The following VPS51 variants were observed in gnomAD, a reference collection of about 807,000 sequenced individuals.
VPS51 encodes VPS51 subunit of GARP complex.
In VPS51, 55 loss-of-function variants were observed where a neutral mutation model predicts 65.1. The observed-to-expected ratio is 0.84, with a 90% CI of 0.68 to 1.06. VPS51 has a LOEUF of 1.06. Ranked by LOEUF, VPS51 falls within the 50% of genes least tolerant of loss-of-function variation. The pLI is 0.00. For synonymous variants in VPS51, 473 were observed against 489.5 expected (o/e 0.97, Z 0.44); for missense variants, 943 against 1,101.6 (o/e 0.86, Z 2.04).
chr11:65,098,965 A>G (rs1427138618), intron 2 of VPS51, among the ~76,000 whole-genome samples: 1 of 152,146 alleles, frequency 6.6e-6, no homozygotes, highest in Middle Eastern at 3.2e-3. Context: ...AGGTGGGTGG[A>G]TCACTTGAGG....
intron 2 of VPS51, among the ~76,000 whole-genome samples, chr11:65,106,620 A>G (rs970400422): frequency 1.3e-5 from 2 of 152,056 alleles, no homozygotes; most frequent in Non-Finnish European, 2.9e-5. Flanking sequence ...GTGTGGTGGC[A>G]GGCACCTGTA....
Position 65,107,705 on chromosome 11 carries a change from C to T in VPS51, c.483C>T (p.His161=), listed in dbSNP as rs375116322. 11 of 1,609,368 alleles carry T rather than the reference C, an allele frequency of 6.8e-6. No homozygotes were observed. The African/African-American group carries it at 9.3e-5, about 14-fold the overall frequency. Reference sequence around the variant, plus strand: ...TCAGCGCCACGCTGCAGGACCGCCACGAGCGCATCACCAAGCTGGCAGGTG... The same window carrying T: ...TCAGCGCCACGCTGCAGGACCGCCATGAGCGCATCACCAAGCTGGCAGGTG... ...ARISATLQDR[H]ERITKLAGVH... The change falls in exon 3 of 10, where the codon CAC becomes CAT. Residue 161 remains histidine, a synonymous_variant. Transcript: ENST00000279281. The surrounding 1 kb of genome is among the most constrained non-coding windows in gnomAD (Gnocchi z 4.0).
intron 9 of VPS51, 38 bp from the exon 10 acceptor site, chr11:65,111,289 G>A: frequency 1.3e-6 from 2 of 1,598,864 alleles, no homozygotes; most frequent in Non-Finnish European, 1.7e-6. Context: ...ACACACACCT[G>A]CAGTCCCCAA....
intron 2 of VPS51, among the ~76,000 whole-genome samples, chr11:65,100,309 C>T (rs1338326035): frequency 6.6e-6 from 1 of 151,840 alleles, no homozygotes; most frequent in Non-Finnish European, 1.5e-5. Flanking sequence ...TACAAGTGGC[C>T]GAAAAGCACA....
rs758310660 is a variant in VPS51 at position 65,107,613 on chromosome 11, A to C, written c.391A>C (p.Lys131Gln). The change falls in exon 3 of 10, where the codon AAG becomes CAG. Residue 131 changes from lysine to glutamine, a missense_variant. Around this residue, in one of 2 missense-constraint regions of VPS51, gnomAD observed 855 missense variants for 953.7 expected, o/e 0.90. Coordinates refer to ENST00000279281, the MANE Select transcript of VPS51 (RefSeq NM_013265.4). This position sits in a 1 kb window ranked among gnomAD's most constrained non-coding sequence, Gnocchi z 4.0. ...CCGGAAGATGAAGAACGATTTCCGGAAGATGGAGGATGAGATGGACCGGCT... is the reference window on the plus strand; with the variant it reads ...CCGGAAGATGAAGAACGATTTCCGGCAGATGGAGGATGAGATGGACCGGCT... ...TIRKMKNDFR[K>Q]MEDEMDRLAT... 2.0e-5 allele frequency: 32 copies of C among 1,599,498 alleles called. No individual in the cohort carries two copies. Among genetic ancestry groups the C allele is most frequent in the Non-Finnish European group, 2.7e-5 (32 of 1,168,184 alleles).
In VPS51 at chr11:65,096,498, G is replaced by T. The variant is rs759274354; in HGVS notation, c.228+20G>T. 21 of 455,576 alleles carry T rather than the reference G, an allele frequency of 4.6e-5. No homozygotes were observed. The highest frequency in any genetic ancestry group is 5.8e-5 in the Non-Finnish European group (19 of 327,890). 28.2% of individuals were successfully genotyped at this position (455,576 alleles called of 1,614,324 possible). On this transcript the variant is annotated intron_variant, in intron 1 of 9. Transcript: ENST00000279281. Reference sequence around the variant, plus strand: ...GACAAGGTGTGTGCGCACGGGGAGTGGGGGGGTGCGGGGAGGGGGGAAGGG... The same window carrying T: ...GACAAGGTGTGTGCGCACGGGGAGTTGGGGGGTGCGGGGAGGGGGGAAGGG...
chr11:65,107,835 C>T lies in VPS51; in HGVS notation c.538C>T (p.Leu180Phe). 6.4e-7 allele frequency: 1 copy of T among 1,556,690 alleles called. No homozygotes were observed. The highest frequency in any genetic ancestry group is 8.7e-7 in the Non-Finnish European group (1 of 1,151,832). The change falls in exon 4 of 10, where the codon CTC (leucine) becomes TTC (phenylalanine). Residue 180 changes from leucine to phenylalanine, a missense_variant. This residue lies in a region of VPS51 where 855 missense variants were observed against 953.7 expected (regional missense o/e 0.90). Transcript: ENST00000279281. The surrounding 1 kb of genome is among the most constrained non-coding windows in gnomAD (Gnocchi z 4.0). ...CGCGCTGCTGCGGAAGCTGCAGTTC[C>T]TCTTTGAGCTGCCCTCGCGCCTCAC... is the stretch of plus-strand genomic sequence containing the variant. ...VHALLRKLQF[L>F]FELPSRLTKC...
At chr11:65,096,661 G>T (rs1388376843) in intron 1 of VPS51, 183 bp downstream of exon 1, 4 of 642,526 alleles carry the variant, frequency 6.2e-6, no homozygotes, top group Non-Finnish European at 1.1e-5. Context: ...ATGTGAGTAG[G>T]ACTGGACTGG....
At position 65,110,564 on chromosome 11, in the gene VPS51, C is replaced by T. The variant is rs761159690; in HGVS notation, c.1961C>T (p.Ser654Phe). The T allele has an allele frequency of 2.5e-6, 4 of 1,614,044 alleles. No individual in the cohort carries two copies. The highest frequency in any genetic ancestry group is 3.3e-5 in the Admixed American group (2 of 60,028). ...SKRTFSVYSS[S>F]RQQGRYAPSY... is the part of the protein sequence containing the mutation. ...AGGACTTTCTCCGTGTACAGCAGCT[C>T]TCGGCAGCAGGGCCGCTACGCCCCC... Residue 654 changes from serine (S) to phenylalanine (F), a missense_variant, in exon 8 of 10, where the codon TCT (serine) becomes TTT (phenylalanine). Physicochemically the swap from Ser to Phe is radical, Grantham distance 155. Coordinates refer to ENST00000279281, the MANE Select transcript of VPS51 (RefSeq NM_013265.4).
Position 65,109,312 on chromosome 11 carries a change from C to G in VPS51, c.1476C>G (p.Gly492=), listed in dbSNP as rs769496300. 1 of 1,613,072 alleles carries G rather than the reference C, an allele frequency of 6.2e-7. No individual in the cohort carries two copies. Among genetic ancestry groups the G allele is most frequent in the Non-Finnish European group, 8.5e-7 (1 of 1,179,670 alleles). The change falls in exon 6 of 10, where the codon GGC becomes GGG. Residue 492 remains glycine, a synonymous_variant. Coordinates refer to ENST00000279281, the MANE Select transcript of VPS51 (RefSeq NM_013265.4). ...TCTGCAGTCAGGGTGTCCGTGAGGG[C>G]CTCATCGTGGGCTTCGTCCACTCTA... ...GEFCSQGVRE[G]LIVGFVHSMC... is the part of the protein sequence containing the mutation.
At position 65,107,893 on chromosome 11, in the gene VPS51, C is replaced by T. The variant is rs1372907310; in HGVS notation, c.596C>T (p.Ala199Val). 5.8e-6 allele frequency: 9 copies of T among 1,551,148 alleles called. No homozygotes were observed. Among genetic ancestry groups the T allele is most frequent in the Admixed American group, 1.9e-5 (1 of 51,376 alleles). The change falls in exon 4 of 10, where the codon GCG (alanine) becomes GTG (valine). Residue 199 changes from alanine to valine, a missense_variant. Physicochemically the swap from Ala to Val is moderately conservative, Grantham distance 64. This residue lies in a region of VPS51 where 855 missense variants were observed against 953.7 expected (regional missense o/e 0.90). Coordinates refer to ENST00000279281, the MANE Select transcript of VPS51 (RefSeq NM_013265.4). The surrounding 1 kb of genome is among the most constrained non-coding windows in gnomAD (Gnocchi z 4.0). ...GTGGAACTGGGCGCCTATGGGCAGG[C>T]GGTGCGCTACCAGGGCCGCGCGCAG... The part of the protein sequence containing the change: ...KCVELGAYGQ[A>V]VRYQGRAQAV...
chr11:65,096,415 C>G lies in VPS51; in HGVS notation c.165C>G (p.Pro55=), dbSNP rs1318252386. 3 of 1,542,576 alleles carry G rather than the reference C, an allele frequency of 1.9e-6. No individual in the cohort carries two copies. Among genetic ancestry groups the G allele is most frequent in the Non-Finnish European group, 8.7e-7 (1 of 1,152,822 alleles). ...AGGCGGCGGGACGCCCCGCGGGGCC[C>G]GACCCCCTGGACCCGACTGATCTGA... The part of the protein sequence containing the change: ...EGEAAGRPAG[P]DPLDPTDLNG... Residue 55 remains proline (P), a synonymous_variant, in exon 1 of 10, where the codon CCC becomes CCG. Transcript: ENST00000279281.
Position 65,098,423 on chromosome 11 carries a change from A to G in VPS51, c.358+1296A>G, listed in dbSNP as rs187259024. Among the ~76,000 whole-genome samples, 270 of 152,208 alleles carry G rather than the reference A, an allele frequency of 1.8e-3. 3 individuals carry two copies. Among genetic ancestry groups the G allele is most frequent in the African/African-American group, 5.9e-3 (246 of 41,530 alleles). On this transcript the variant is annotated intron_variant, in intron 2 of 9. Coordinates refer to ENST00000279281, the MANE Select transcript of VPS51 (RefSeq NM_013265.4). ...TCTGTCCTCTTTATTCTCTAGTGCC[A>G]GACAGTGTTCCACTGTTTTCCACAC...
intron 2 of VPS51, among the ~76,000 whole-genome samples, chr11:65,104,196 T>C (rs781508179): frequency 7.2e-5 from 11 of 152,232 alleles, no homozygotes; most frequent in Non-Finnish European, 1.5e-4. Context: ...CCCAAAGTGC[T>C]GGGATTACAG....
intron 6 of VPS51, 75 bp downstream of exon 6, chr11:65,109,570 C>T (rs547408163): frequency 6.4e-7 from 1 of 1,552,980 alleles, no homozygotes; most frequent in Admixed American, 1.8e-5. Context: ...GCCCTCATGG[C>T]CAGACCCCAG....
rs781254618 is a variant in VPS51 at position 65,109,404 on chromosome 11, T to TG, written c.1569dup (p.Leu524AlafsTer24). The TG allele has an allele frequency of 3.7e-5, 59 of 1,611,278 alleles. No individual in the cohort carries two copies. The highest frequency in any genetic ancestry group is 4.2e-6 in the Non-Finnish European group (5 of 1,180,010). ...AAGGGGGGTGCCACACCACCTGCCC[T>TG]GCTCCTGCTGCTCTCCCGCCTCTGC... On this transcript the variant is annotated frameshift_variant, in exon 6 of 10. Coordinates refer to ENST00000279281, the MANE Select transcript of VPS51 (RefSeq NM_013265.4). LOFTEE classifies it high-confidence loss of function.
At position 65,110,887 on chromosome 11, in the gene VPS51, G is replaced by C. The variant is rs184604887; in HGVS notation, c.2088+106G>C. Reference sequence around the variant, plus strand: ...CCCAGGACTCTGTGACCAACTGGGGGTGACCCTGACCCTCCAGTCTCTGTC... The same window carrying C: ...CCCAGGACTCTGTGACCAACTGGGGCTGACCCTGACCCTCCAGTCTCTGTC... On this transcript the variant is annotated intron_variant, in intron 9 of 9. Transcript: ENST00000279281. 91 of 1,386,304 alleles carry C rather than the reference G, an allele frequency of 6.6e-5. No homozygotes were observed. The Admixed American group carries it at 1.5e-3, about 24-fold the overall frequency. 85.9% of individuals were successfully genotyped at this position (1,386,304 alleles called of 1,614,324 possible).
At chr11:65,106,434 G>A (rs1278786963) in intron 2 of VPS51, among the ~76,000 whole-genome samples, 2 of 152,228 alleles carry the variant, frequency 1.3e-5, no homozygotes, top group South Asian at 4.1e-4. Context: ...AGTGTTAAGC[G>A]AAGCAGGGAG....
intron 2 of VPS51, among the ~76,000 whole-genome samples, chr11:65,099,265 G>T (rs770375723): frequency 2.0e-5 from 3 of 152,144 alleles, no homozygotes; most frequent in Non-Finnish European, 2.9e-5. Context: ...AGGAAGGAGG[G>T]GGGTGGAACA....
Sources: gnomAD v4.1 joint callset for allele counts (sites outside exome capture counted in the v4.1 genomes callset) on GRCh38, gnomAD v4.1.1 for gene constraint, gnomAD v4.1.1 regional missense constraint, Gnocchi (gnomAD v3.1) non-coding constraint, MANE v1.5 for transcripts, NCBI Gene and HGNC (gene_info 2026-07-23, HGNC 2026-07-21) for gene names.